Variants in CBLB observed in about 807,000 individuals in gnomAD.
The protein encoded by CBLB is Cbl proto-oncogene B.
In CBLB, 31 loss-of-function variants were observed where a neutral mutation model predicts 104.9. The observed-to-expected ratio is 0.30, with a 90% CI of 0.22 to 0.40. The LOEUF (loss-of-function observed/expected upper bound fraction) is 0.40, where lower values mean the gene tolerates loss of function less well. Among genes scored for constraint, CBLB ranks in the 10% least tolerant of loss-of-function variants. The pLI, the probability that CBLB is intolerant of heterozygous loss-of-function variation, is 1.00. For synonymous variants in CBLB, 440 were observed against 422.6 expected (o/e 1.04, Z -0.51); for missense variants, 1,062 against 1,214.6 (o/e 0.87, Z 1.87).
At chr3:105,863,413 C>G (rs1038518680) in intron 2 of CBLB, among the ~76,000 whole-genome samples, 1 of 152,140 alleles carries the variant, frequency 6.6e-6, no homozygotes, top group East Asian at 1.9e-4. Flanking sequence ...AAAGGAAATA[C>G]GTCAAGAAGT....
At chr3:105,683,309 T>C (rs2066557400) in intron 14 of CBLB, among the ~76,000 whole-genome samples, 1 of 152,218 alleles carries the variant, frequency 6.6e-6, no homozygotes, top group African/African-American at 2.4e-5. Context: ...AAGAGCTCTT[T>C]GGAGAGCACA....
intron 3 of CBLB, among the ~76,000 whole-genome samples, chr3:105,778,473 C>T (rs559636882): frequency 6.6e-6 from 1 of 151,944 alleles, no homozygotes; most frequent in South Asian, 2.1e-4. Flanking sequence ...AAAAGATACC[C>T]ATGATCAAAA....
intron 4 of CBLB, among the ~76,000 whole-genome samples, chr3:105,756,313 T>C (rs926836977): frequency 3.3e-5 from 5 of 152,162 alleles, no homozygotes. Flanking sequence ...AAAATATCAG[T>C]TGTAGTTTTA....
At chr3:105,864,145 C>T (rs968303164) in intron 2 of CBLB, among the ~76,000 whole-genome samples, 1 of 152,154 alleles carries the variant, frequency 6.6e-6, no homozygotes, top group Non-Finnish European at 1.5e-5. Context: ...GCCAGAAAAA[C>T]AAGGAGGATG....
intron 4 of CBLB, among the ~76,000 whole-genome samples, chr3:105,772,033 TC>T (rs1246244781): frequency 6.6e-6 from 1 of 152,122 alleles, no homozygotes; most frequent in African/African-American, 2.4e-5. Context: ...ATCCTAAGAT[TC>T]GTATGGAACC....
chr3:105,811,949 C>T (rs2084368882), intron 3 of CBLB, among the ~76,000 whole-genome samples: 1 of 152,100 alleles, frequency 6.6e-6, no homozygotes, highest in Admixed American at 6.6e-5. Context: ...GGTGATCTGC[C>T]ACCTTGCCCT....
chr3:105,676,398 G>A (rs2065647525), intron 17 of CBLB, among the ~76,000 whole-genome samples: 1 of 152,084 alleles, frequency 6.6e-6, no homozygotes, highest in Admixed American at 6.5e-5. Context: ...AGGTAAAAGT[G>A]TGTATTTGTG....
intron 1 of CBLB, chr3:105,868,336 T>A: frequency 1.5e-6 from 1 of 677,792 alleles, no homozygotes; most frequent in Non-Finnish European, 2.1e-6. Flanking sequence ...AAGCTTTGTT[T>A]CAGGACGCCT....
At chr3:105,868,600 C>T in intron 1 of CBLB, 136 bp downstream of exon 1, 1 of 524,814 alleles carries the variant, frequency 1.9e-6, no homozygotes, top group Non-Finnish European at 2.6e-6. Flanking sequence ...TGCCCCACTT[C>T]AAACTGGACG....
chr3:105,670,167 G>A (rs1337385740), intron 18 of CBLB, 66 bp downstream of exon 18: 3 of 1,337,774 alleles, frequency 2.2e-6, no homozygotes, highest in African/African-American at 2.9e-5. Flanking sequence ...ATAAGAAGGT[G>A]TTCTGAAAAG....
intron 4 of CBLB, among the ~76,000 whole-genome samples, chr3:105,756,573 C>T (rs1250019442): frequency 2.0e-5 from 3 of 152,094 alleles, no homozygotes; most frequent in South Asian, 4.2e-4. Context: ...AATAAACAAT[C>T]CCAGGAGGTA....
chr3:105,698,860 A>G (rs140158140), intron 12 of CBLB, among the ~76,000 whole-genome samples: 31 of 152,216 alleles, frequency 2.0e-4, no homozygotes, highest in African/African-American at 6.3e-4. Context: ...CTTGTTGTAT[A>G]TGATCTACAT....
intron 18 of CBLB, 28 bp downstream of exon 18, chr3:105,670,205 T>C (rs563460067): frequency 6.3e-5 from 101 of 1,601,390 alleles, no homozygotes; most frequent in Non-Finnish European, 8.4e-5. Flanking sequence ...CAATAAGGTA[T>C]TATTGTTACT....
chr3:105,804,461 C>T (rs1057189368), intron 3 of CBLB, among the ~76,000 whole-genome samples: 1 of 150,964 alleles, frequency 6.6e-6, no homozygotes, highest in African/African-American at 2.4e-5. Context: ...GTGGAGGTTG[C>T]AGTGAGCCAA....
chr3:105,709,673 G>C (rs2152803525), intron 10 of CBLB, among the ~76,000 whole-genome samples: 1 of 151,892 alleles, frequency 6.6e-6, no homozygotes. Context: ...CTGTTTTCAA[G>C]TTTTCTTTAT....
chr3:105,745,844 T>C, intron 6 of CBLB, 73 bp downstream of exon 6: 1 of 1,424,076 alleles, frequency 7.0e-7, no homozygotes, highest in Admixed American at 1.7e-5. Context: ...ATTGCTGACT[T>C]ACTTAGGAAC....
intron 4 of CBLB, among the ~76,000 whole-genome samples, chr3:105,752,051 G>A (rs2152909933): frequency 6.6e-6 from 1 of 152,276 alleles, no homozygotes; most frequent in East Asian, 1.9e-4. Flanking sequence ...GCACAAATGA[G>A]TAATATGTAT....
chr3:105,783,207 A>T (rs2080507655), intron 3 of CBLB, among the ~76,000 whole-genome samples: 1 of 152,184 alleles, frequency 6.6e-6, no homozygotes, highest in African/African-American at 2.4e-5. Context: ...AGGTTACTTA[A>T]CCTGTTTCCT....
chr3:105,821,260 A>ATATCTATCTATCTATCTATCTATC (rs10660729), intron 3 of CBLB, among the ~76,000 whole-genome samples: 4 of 149,402 alleles, frequency 2.7e-5, no homozygotes, highest in African/African-American at 7.4e-5. Context: ...ATCTATATCT[A>ATATCTATCTATCTATCTATCTATC]TATCTATCTA....
Sources: gnomAD v4.1 joint callset for allele counts (sites outside exome capture counted in the v4.1 genomes callset) on GRCh38, gnomAD v4.1.1 for gene constraint, MANE v1.5 for transcripts, NCBI Gene and HGNC (gene_info 2026-07-23, HGNC 2026-07-21) for gene names.